SNTG2: variants seen among roughly 807,000 people sequenced by gnomAD.
The protein encoded by SNTG2 is syntrophin gamma 2.
Under a neutral mutation model 70.9 loss-of-function variants are expected in SNTG2, and 74 were observed. The observed-to-expected ratio is 1.04, with a 90% confidence interval of 0.86 to 1.27. SNTG2 has a LOEUF of 1.27. SNTG2 is among the 50% of genes most tolerant of loss of function. The pLI, the probability that SNTG2 is intolerant of heterozygous loss-of-function variation, is 0.00. For synonymous variants in SNTG2, 278 were observed against 273.8 expected, an observed-to-expected ratio of 1.02 and a Z score of -0.15; for missense variants, 717 against 690.7, an observed-to-expected ratio of 1.04 and a Z score of -0.43.
At chr2:1,181,360 A>C (rs1291538006) in intron 8 of SNTG2, among the ~76,000 whole-genome samples, 1 of 152,214 alleles carries the variant, frequency 6.6e-6, no homozygotes, top group African/African-American at 2.4e-5. Flanking sequence ...TTCTTGAAAG[A>C]GGTGAGTTGG....
At position 1,152,530 on chromosome 2, in the gene SNTG2, G is replaced by A. The variant is rs544042329; in HGVS notation, c.412-13018G>A. Among the ~76,000 whole-genome samples, 5 of 152,018 alleles carry A rather than the reference G, an allele frequency of 3.3e-5. No homozygotes were observed. In the South Asian group the frequency reaches 1.0e-3, roughly 32 times the overall value. On this transcript the variant is annotated intron_variant, in intron 6 of 16. Transcript: ENST00000308624. ...TGTGTGTGTACATGTGTGTGCATGT[G>A]TATTCATGTGTGCACACACGTATGT...
At chr2:1,040,222 AC>A (rs1661358240) in intron 1 of SNTG2, among the ~76,000 whole-genome samples, 1 of 152,068 alleles carries the variant, frequency 6.6e-6, no homozygotes, top group African/African-American at 2.4e-5. Context: ...AAATTCCTGC[AC>A]CCCACGCCAG....
intron 13 of SNTG2, among the ~76,000 whole-genome samples, chr2:1,263,259 A>G (rs139571979): frequency 4.7e-3 from 722 of 152,302 alleles, no homozygotes; most frequent in Non-Finnish European, 8.4e-3. Context: ...ATCTTACAAC[A>G]TATTTTAAGT....
At chr2:1,308,929 G>A (rs543132073) in intron 15 of SNTG2, among the ~76,000 whole-genome samples, 5 of 152,244 alleles carry the variant, frequency 3.3e-5, no homozygotes, top group South Asian at 2.1e-4. Flanking sequence ...TCGTGGTAGC[G>A]GTGAACAGTG....
At chr2:1,196,315 C>T (rs559142266) in intron 8 of SNTG2, among the ~76,000 whole-genome samples, 2 of 152,006 alleles carry the variant, frequency 1.3e-5, no homozygotes, top group Non-Finnish European at 2.9e-5. Flanking sequence ...TCTGAAATAA[C>T]CCAGTCAGAC....
At chr2:1,295,732 C>A (rs1041966116) in intron 14 of SNTG2, among the ~76,000 whole-genome samples, 1 of 150,174 alleles carries the variant, frequency 6.7e-6, no homozygotes, top group Non-Finnish European at 1.5e-5. Flanking sequence ...AGCAGGCAGA[C>A]GTCACCATCG....
intron 4 of SNTG2, among the ~76,000 whole-genome samples, chr2:1,101,826 G>A (rs1665799400): frequency 6.6e-6 from 1 of 152,194 alleles, no homozygotes; most frequent in East Asian, 1.9e-4. Context: ...ATCCCCAGGT[G>A]ATGAGAGGCC....
intron 8 of SNTG2, among the ~76,000 whole-genome samples, chr2:1,199,771 A>G (rs549145903): frequency 1.2e-4 from 18 of 152,170 alleles, no homozygotes; most frequent in Non-Finnish European, 2.5e-4. Context: ...CCCTTTCACA[A>G]TAGCTATGAA....
At chr2:1,251,132 G>T (rs937079118) in intron 12 of SNTG2, among the ~76,000 whole-genome samples, 1 of 152,150 alleles carries the variant, frequency 6.6e-6, no homozygotes, top group Admixed American at 6.5e-5. Context: ...TCAAGATTTC[G>T]TAAACCTGTG....
At chr2:1,134,100 T>A (rs1668200015) in intron 4 of SNTG2, among the ~76,000 whole-genome samples, 1 of 152,088 alleles carries the variant, frequency 6.6e-6, no homozygotes, top group South Asian at 2.1e-4. Context: ...TTCCTCCCTG[T>A]GGGTTTGTGG....
At chr2:1,113,136 C>T (rs4971457) in intron 4 of SNTG2, among the ~76,000 whole-genome samples, 32 of 1,420 alleles carry the variant, frequency 0.023, 3 homozygotes, top group South Asian at 0.12. Flanking sequence ...TTAACCCTTA[C>T]AGTCCTTTGA....
intron 1 of SNTG2, among the ~76,000 whole-genome samples, chr2:1,014,686 A>G (rs1270847881): frequency 6.8e-6 from 1 of 147,680 alleles, no homozygotes; most frequent in Non-Finnish European, 1.5e-5. Flanking sequence ...TGGTCTGTAG[A>G]GGGATTTATA....
chr2:1,061,712 T>C (rs1662836544), intron 1 of SNTG2, among the ~76,000 whole-genome samples: 1 of 152,204 alleles, frequency 6.6e-6, no homozygotes, highest in Non-Finnish European at 1.5e-5. Flanking sequence ...AAGCCAGGCA[T>C]CTCATGTCTT....
At chr2:1,181,569 A>T (rs919095907) in intron 8 of SNTG2, among the ~76,000 whole-genome samples, 2 of 152,220 alleles carry the variant, frequency 1.3e-5, no homozygotes, top group Admixed American at 1.3e-4. Context: ...CCCCTGCTGC[A>T]TTAGCAACCT....
chr2:1,217,516 G>A (rs773561399), intron 9 of SNTG2, among the ~76,000 whole-genome samples: 1 of 152,124 alleles, frequency 6.6e-6, no homozygotes, highest in Non-Finnish European at 1.5e-5. Context: ...CCACAGAGTG[G>A]GGCTTTCCCT....
intron 9 of SNTG2, among the ~76,000 whole-genome samples, chr2:1,221,430 T>A (rs1674804337): frequency 6.6e-6 from 1 of 151,012 alleles, no homozygotes; most frequent in Non-Finnish European, 1.5e-5. Flanking sequence ...TGTCTCTGTC[T>A]CTCTCTGTCT....
In SNTG2 at chr2:973,107, AT is replaced by A. The variant is rs557439787; in HGVS notation, c.72+22041del. On this transcript the variant is annotated intron_variant, in intron 1 of 16. Coordinates refer to ENST00000308624, the MANE Select transcript of SNTG2 (RefSeq NM_018968.4). The stretch of plus-strand genomic sequence containing the variant: ...CTTTGTTTGATTTCAATGATCAGTA[AT>A]TCTTATAGCAAATTAAAAACAATCC... Among the ~76,000 whole-genome samples the A allele has an allele frequency of 2.6e-4, 39 of 152,256 alleles. 1 individual carries two copies. The highest frequency in any genetic ancestry group is 1.2e-3 in the Admixed American group (18 of 15,308).
In SNTG2 at chr2:981,603, A is replaced by C. The variant is rs557410363; in HGVS notation, c.72+30535A>C. Among the ~76,000 whole-genome samples the C allele has an allele frequency of 1.6e-3, 236 of 152,208 alleles. 4 individuals carry two copies. The South Asian group carries it at 0.018, about 12-fold the overall frequency. On this transcript the variant is annotated intron_variant, in intron 1 of 16. Transcript: ENST00000308624. Reference sequence around the variant, plus strand: ...TATTCAAGGACATGCCTGTGCCCACACATATGCACATATGCATATACACAC... The same window carrying C: ...TATTCAAGGACATGCCTGTGCCCACCCATATGCACATATGCATATACACAC...
chr2:1,030,454 CACA>C (rs1663013723), intron 1 of SNTG2, among the ~76,000 whole-genome samples: 1 of 152,124 alleles, frequency 6.6e-6, no homozygotes, highest in Admixed American at 6.5e-5. Context: ...GGTACAAACA[CACA>C]ACAAGATGTA....
Sources: allele counts gnomAD v4.1 joint callset (sites outside exome capture counted in the v4.1 genomes callset), GRCh38; gene constraint gnomAD v4.1.1; transcripts MANE v1.5; gene names NCBI Gene and HGNC (gene_info 2026-07-23, HGNC 2026-07-21).